CARD10: variants seen among roughly 807,000 people sequenced by gnomAD.
The protein encoded by CARD10 is caspase recruitment domain family member 10, also known as caspase recruitment domain-containing protein 10.
In CARD10, 49 loss-of-function variants were observed where a neutral mutation model predicts 114.6. The ratio of observed to expected loss-of-function variants is 0.43; its 90% CI spans 0.34 to 0.54. The LOEUF (loss-of-function observed/expected upper bound fraction) is 0.54. Among genes scored for constraint, CARD10 ranks in the 20% least tolerant of loss-of-function variants. CARD10 has a pLI of 0.03. For synonymous variants in CARD10, 602 were observed against 593.2 expected, an observed-to-expected ratio of 1.01 and a Z score of -0.21; for missense variants, 1,206 against 1,397.2, an observed-to-expected ratio of 0.86 and a Z score of 2.18.
rs1275896947 is a variant in CARD10, at chr22:37,503,020, A to G, written c.1663+165T>C. On this transcript the variant is annotated intron_variant, in intron 10 of 19. Transcript: ENST00000251973. ...GTGAGAGGCTGGAACCAAAGTCCCC[A>G]GGGTCCTCCCAAGCACAACCTTCCT... Among the ~76,000 whole-genome samples, 4 of 152,228 alleles carry G rather than the reference A, an allele frequency of 2.6e-5. No individual in the cohort carries two copies. The East Asian group carries it at 5.8e-4, about 22-fold the overall frequency.
chr22:37,503,095 G>C (rs1157437466), intron 10 of CARD10, 90 bp downstream of exon 10: 2 of 1,384,812 alleles, frequency 1.4e-6, no homozygotes, highest in Non-Finnish European at 2.0e-6. Flanking sequence ...GCAGGCCAAA[G>C]GTAGCGCAGG....
At position 37,492,483 on chromosome 22, in the gene CARD10, G is replaced by A. The variant is rs772690566; in HGVS notation, c.2703C>T (p.Thr901=). The change falls in exon 18 of 20, where the codon ACC becomes ACT. Residue 901 remains threonine (T), a synonymous_variant. Coordinates refer to ENST00000251973, the MANE Select transcript of CARD10 (RefSeq NM_014550.4). The surrounding 1 kb of genome is among the most constrained non-coding windows in gnomAD (Gnocchi z 5.7). The part of the protein sequence containing the change: ...APGAPKAQPA[T]PGLGSRIRAI... ...CCCGGATCCTGCTGCCTAGCCCAGG[G>A]GTGGCAGGCTGAGCCTTGGGGGCTC... 2.5e-6 allele frequency: 4 copies of A among 1,602,704 alleles called. No homozygotes were observed. The Admixed American group carries it at 5.1e-5, about 20-fold the overall frequency.
rs868152109 is a variant in CARD10 at position 37,516,233 on chromosome 22, G to A, written c.439C>T (p.Arg147Cys). Residue 147 changes from arginine to cysteine, a missense_variant, in exon 3 of 20, where the codon CGC becomes TGC. Arg to Cys is a radical substitution (Grantham distance 180). Transcript: ENST00000251973. ...TGCTCCCGCTGCAGCTGGCTCTTGCGAGCTTCCCGCAGCCGTCGCACCTCT... is the reference window on the plus strand; with the variant it reads ...TGCTCCCGCTGCAGCTGGCTCTTGCAAGCTTCCCGCAGCCGTCGCACCTCT... ...MTEVRRLREA[R>C]KSQLQREQQL... 7 of 1,605,282 alleles carry A rather than the reference G, an allele frequency of 4.4e-6. No homozygotes were observed. The highest frequency in any genetic ancestry group is 2.7e-5 in the African/African-American group (2 of 74,932).
chr22:37,517,120 G>A (rs1923867859), intron 2 of CARD10, among the ~76,000 whole-genome samples: 1 of 152,148 alleles, frequency 6.6e-6, no homozygotes. Flanking sequence ...ATACAAGGAT[G>A]TTCCCGTATC....
intron 4 of CARD10, among the ~76,000 whole-genome samples, chr22:37,509,429 CG>C (rs1170851840): frequency 6.6e-6 from 1 of 152,114 alleles, no homozygotes; most frequent in Non-Finnish European, 1.5e-5. Context: ...GGGACAGCCA[CG>C]TGCTAAGGGC....
At chr22:37,506,444 C>G in intron 6 of CARD10, 61 bp from the exon 7 acceptor site, 1 of 1,346,756 alleles carries the variant, frequency 7.4e-7, no homozygotes, top group Admixed American at 2.2e-5. Context: ...CTTTCCTGGC[C>G]TATGACTTGG....
At chr22:37,517,578 G>A (rs990065697) in intron 2 of CARD10, among the ~76,000 whole-genome samples, 2 of 152,066 alleles carry the variant, frequency 1.3e-5, no homozygotes, top group Non-Finnish European at 2.9e-5. Context: ...GGAGGCGGAG[G>A]TTGCAGTGAG....
Position 37,506,136 on chromosome 22 carries a change from CTCCTGCCAGGACCCCAGCCT to C in CARD10, c.1383+36_1383+55del, listed in dbSNP as rs1015946354. The C allele has an allele frequency of 1.7e-5, 23 of 1,366,762 alleles. No individual in the cohort carries two copies. In the African/African-American group the frequency reaches 2.2e-4, roughly 13 times the overall value. 84.7% of individuals were successfully genotyped at this position (1,366,762 alleles called of 1,614,324 possible). A position where few individuals can be genotyped will look rare whatever the true frequency, so the allele number is the denominator to read the frequency against. ...GCACGTTCCCAGCCCTGGCCAAGAG[CTCCTGCCAGGACCCCAGCCT>C]TCCTGCCAGGACCTCCACAATCTTG... is the stretch of plus-strand genomic sequence containing the variant. On this transcript the variant is annotated intron_variant, in intron 7 of 19. Coordinates refer to ENST00000251973, the MANE Select transcript of CARD10 (RefSeq NM_014550.4).
intron 3 of CARD10, among the ~76,000 whole-genome samples, chr22:37,511,357 C>CAAA (rs1169625822): frequency 2.7e-4 from 18 of 65,608 alleles, no homozygotes; most frequent in African/African-American, 3.5e-4. Flanking sequence ...GACCCTGTCT[C>CAAA]AAAAAAAAAA....
intron 4 of CARD10, 146 bp from the exon 5 acceptor site, chr22:37,508,828 T>C: frequency 1.6e-6 from 2 of 1,217,290 alleles, no homozygotes; most frequent in Non-Finnish European, 2.3e-6. Flanking sequence ...CCTCTCTGGA[T>C]CTCTGTCTCC....
Position 37,491,367 on chromosome 22 carries a change from C to T in CARD10, c.2891G>A (p.Arg964Gln), listed in dbSNP as rs866983217. 11 of 1,511,640 alleles carry T rather than the reference C, an allele frequency of 7.3e-6. No individual in the cohort carries two copies. The highest frequency in any genetic ancestry group is 5.0e-5 in the South Asian group (4 of 79,680). The allele number at this position is 1,511,640 out of a possible 1,614,324, so 93.6% of individuals were successfully genotyped here. ...GCACTGCCGCAGCAGCTCTGAGTCC[C>T]GCCAGCCCGGCCGGCCCAGCAGACC... Reference protein sequence around the residue: ...VRGLLGRPGWRDSELLRQCRG... With the variant: ...VRGLLGRPGWQDSELLRQCRG... The change falls in exon 20 of 20, where the codon CGG becomes CAG. Residue 964 changes from arginine (R) to glutamine (Q), a missense_variant. Arg to Gln is a conservative substitution (Grantham distance 43). This residue lies in a region of CARD10 where 1,068 missense variants were observed against 1,179.1 expected (regional missense o/e 0.91). Transcript: ENST00000251973.
In CARD10 at chr22:37,491,747, C is replaced by A; in HGVS notation, c.2864+8G>T. ...TGCCCTGCCCACTGCCCCACCCACCCACCTCACCTGACTTCCCGGACATTC... is the reference window on the plus strand; with the variant it reads ...TGCCCTGCCCACTGCCCCACCCACCAACCTCACCTGACTTCCCGGACATTC... On this transcript the variant is annotated splice_region_variant and intron_variant, in intron 19 of 19. Coordinates refer to ENST00000251973, the MANE Select transcript of CARD10 (RefSeq NM_014550.4). 2.6e-6 allele frequency: 3 copies of A among 1,144,942 alleles called. No homozygotes were observed. The highest frequency in any genetic ancestry group is 2.4e-5 in the South Asian group (2 of 81,962). 70.9% of individuals were successfully genotyped at this position (1,144,942 alleles called of 1,614,324 possible). A position where few individuals can be genotyped will look rare whatever the true frequency, so the allele number is the denominator to read the frequency against.
chr22:37,498,784 C>T (rs1193061672), intron 11 of CARD10, among the ~76,000 whole-genome samples: 2 of 151,950 alleles, frequency 1.3e-5, no homozygotes, highest in Non-Finnish European at 2.9e-5. Flanking sequence ...CGGTCCGCTC[C>T]AAACCCCAGG....
At chr22:37,498,821 T>C (rs1024013939) in intron 11 of CARD10, among the ~76,000 whole-genome samples, 2 of 142,668 alleles carry the variant, frequency 1.4e-5, no homozygotes, top group African/African-American at 5.3e-5. Context: ...CCTGGGCAAA[T>C]GAGCCGGCTG....
At position 37,501,636 on chromosome 22, in the gene CARD10, A is replaced by G. The variant is rs1923217832; in HGVS notation, c.1787+966T>C. On this transcript the variant is annotated intron_variant, in intron 11 of 19. Coordinates refer to ENST00000251973, the MANE Select transcript of CARD10 (RefSeq NM_014550.4). This position sits in a 1 kb window ranked among gnomAD's most constrained non-coding sequence, Gnocchi z 5.4. The stretch of plus-strand genomic sequence containing the variant: ...GTTTCCTATGCCCTTTCCAAAACCC[A>G]AATCTGATCAGGTCACTATGAACCC... Among the ~76,000 whole-genome samples the G allele has an allele frequency of 6.6e-6, 1 of 152,110 alleles. No homozygotes were observed. Among genetic ancestry groups the G allele is most frequent in the Admixed American group, 6.5e-5 (1 of 15,272 alleles).
chr22:37,490,694 C>G lies in CARD10; in HGVS notation c.*465G>C, dbSNP rs1418096578. 1.3e-5 allele frequency: 2 copies of G among 159,696 alleles called. No individual in the cohort carries two copies. The highest frequency in any genetic ancestry group is 4.8e-5 in the African/African-American group (2 of 41,630). 9.9% of individuals were successfully genotyped at this position (159,696 alleles called of 1,614,324 possible). A position where few individuals can be genotyped will look rare whatever the true frequency, so the allele number is the denominator to read the frequency against. On this transcript the variant is annotated 3_prime_UTR_variant, in exon 20 of 20. Coordinates refer to ENST00000251973, the MANE Select transcript of CARD10 (RefSeq NM_014550.4). ...CATGCATGGCTGAATCCACGAGGAG[C>G]GCGAGCTGGATGGTGGGAGTCACGC...
intron 3 of CARD10, among the ~76,000 whole-genome samples, chr22:37,511,540 GA>G (rs201819800): frequency 0.15 from 16,819 of 114,254 alleles, 1,088 homozygotes; most frequent in South Asian, 0.26. Flanking sequence ...GAAAGAAGGA[GA>G]AAAAAAAAAA....
At position 37,497,038 on chromosome 22, in the gene CARD10, G is replaced by A; in HGVS notation, c.1928C>T (p.Ala643Val). Residue 643 changes from alanine (A) to valine (V), a missense_variant, in exon 12 of 20, where the codon GCC (alanine) becomes GTC (valine). By Grantham distance (64) the Ala-to-Val change is moderately conservative (BLOSUM62 0). This residue lies in a region of CARD10 where 1,068 missense variants were observed against 1,179.1 expected (regional missense o/e 0.91). Transcript: ENST00000251973. ...CCTCACCTCTCTTGGTTCCATCCTGGCGGACCCAGGCCCAGACAGCACCCT... is the reference window on the plus strand; with the variant it reads ...CCTCACCTCTCTTGGTTCCATCCTGACGGACCCAGGCCCAGACAGCACCCT... ...VRRVLSGPGS[A>V]RMEPREQRVE... is the part of the protein sequence containing the mutation. 1 of 1,613,534 alleles carries A rather than the reference G, an allele frequency of 6.2e-7. No homozygotes were observed. Among genetic ancestry groups the A allele is most frequent in the Non-Finnish European group, 8.5e-7 (1 of 1,179,764 alleles).
At chr22:37,500,975 T>C (rs969534825) in intron 11 of CARD10, among the ~76,000 whole-genome samples, 3 of 152,114 alleles carry the variant, frequency 2.0e-5, no homozygotes, top group African/African-American at 7.2e-5. Flanking sequence ...ACTGGGAAAT[T>C]CAGAGACATG....
Sources: gnomAD v4.1 joint callset for allele counts (sites outside exome capture counted in the v4.1 genomes callset) on GRCh38, gnomAD v4.1.1 for gene constraint, gnomAD v4.1.1 regional missense constraint, Gnocchi (gnomAD v3.1) non-coding constraint, MANE v1.5 for transcripts, NCBI Gene and HGNC (gene_info 2026-07-23, HGNC 2026-07-21) for gene names.